Variants in FMN1 observed in about 807,000 individuals in gnomAD.
The protein encoded by FMN1 is formin 1.
In FMN1, 110 loss-of-function variants were observed where a neutral mutation model predicts 132.4. The ratio of observed to expected loss-of-function variants is 0.83; its 90% CI spans 0.71 to 0.97. The LOEUF (loss-of-function observed/expected upper bound fraction) is 0.97. Ranked by LOEUF, FMN1 falls within the 50% of genes least tolerant of loss-of-function variation. The probability of loss-of-function intolerance (pLI) is 0.00; values close to 1 mark genes in which losing one functional copy is unlikely to be tolerated. For synonymous variants in FMN1, 722 were observed against 651.7 expected (o/e 1.11, Z -1.64); for missense variants, 1,792 against 1,705.3 (o/e 1.05, Z -0.90).
intron 17 of FMN1, among the ~76,000 whole-genome samples, chr15:32,816,878 A>C (rs1359769454): frequency 6.6e-6 from 1 of 152,258 alleles, no homozygotes; most frequent in Admixed American, 6.5e-5. Context: ...ACCATTCTAC[A>C]TATTTTTTAC....
intron 4 of FMN1, among the ~76,000 whole-genome samples, chr15:33,117,683 G>A (rs1277324247): frequency 7.6e-6 from 1 of 130,744 alleles, no homozygotes; most frequent in African/African-American, 2.6e-5. Flanking sequence ...TCTGAACTGT[G>A]CTTCACCCAC....
rs1271257018 is a variant in FMN1 at position 33,008,041 on chromosome 15, C to T, written c.2196G>A (p.Glu732=). 1.2e-6 allele frequency: 2 copies of T among 1,601,226 alleles called. No individual in the cohort carries two copies. The highest frequency in any genetic ancestry group is 1.1e-5 in the South Asian group (1 of 88,324). Residue 732 remains glutamate, a synonymous_variant, in exon 7 of 21, where the codon GAG becomes GAA. Coordinates refer to ENST00000616417, the MANE Select transcript of FMN1 (RefSeq NM_001277313.2). The part of the protein sequence containing the change: ...YQAAILHLKR[E]HKEEIENLQA... ...GCAGGTTTTCAATTTCTTCTTTGTG[C>T]TCCCTCTTCAAGTGTAAAATAGCAG... is the stretch of plus-strand genomic sequence containing the variant.
intron 4 of FMN1, among the ~76,000 whole-genome samples, chr15:33,111,174 G>A (rs887055999): frequency 1.1e-4 from 16 of 152,116 alleles, no homozygotes; most frequent in Non-Finnish European, 2.2e-4. Flanking sequence ...AAATCACACT[G>A]ATTTTTAAAA....
At chr15:32,945,260 C>T (rs188072347) in intron 9 of FMN1, among the ~76,000 whole-genome samples, 5 of 152,192 alleles carry the variant, frequency 3.3e-5, no homozygotes, top group African/African-American at 1.2e-4. Flanking sequence ...CCCTGATTTC[C>T]AGAGGTTTTT....
At chr15:32,964,034 C>CACAA in intron 9 of FMN1, 73 bp downstream of exon 9, 1 of 1,053,184 alleles carries the variant, frequency 9.5e-7, no homozygotes, top group Admixed American at 2.0e-5. Flanking sequence ...CACACACACA[C>CACAA]ACACACACAC....
intron 6 of FMN1, among the ~76,000 whole-genome samples, chr15:33,033,873 C>CG (rs902156330): frequency 6.6e-6 from 1 of 152,114 alleles, no homozygotes; most frequent in Non-Finnish European, 1.5e-5. Context: ...CTCTATCACG[C>CG]GGCACACTCC....
chr15:33,192,449 G>C (rs1966112369), intron 2 of FMN1, among the ~76,000 whole-genome samples: 1 of 152,186 alleles, frequency 6.6e-6, no homozygotes, highest in African/African-American at 2.4e-5. Context: ...CTGTGACAAA[G>C]GCTTCATCAA....
chr15:33,013,743 C>A (rs2034874586), intron 6 of FMN1, among the ~76,000 whole-genome samples: 1 of 152,146 alleles, frequency 6.6e-6, no homozygotes, highest in Admixed American at 6.5e-5. Flanking sequence ...TGAGTCCTAA[C>A]CCATGTCATG....
rs954101498 is a variant in FMN1 at position 32,934,589 on chromosome 15, A to AT, written c.3139-8329dup. Among the ~76,000 whole-genome samples the AT allele has an allele frequency of 8.9e-4, 123 of 138,490 alleles. 1 individual carries two copies. Among genetic ancestry groups the AT allele is most frequent in the Middle Eastern group, 3.5e-3 (1 of 284 alleles). 90.9% of individuals were successfully genotyped at this position (138,490 alleles called of 152,430 possible). A position where few individuals can be genotyped will look rare whatever the true frequency, so the allele number is the denominator to read the frequency against. ...ATTTCTCTTTTGTTTCTGAAAGACAATTTTTTTCCTTTTTTTTTTTTTTTT... is the reference window on the plus strand; with the variant it reads ...ATTTCTCTTTTGTTTCTGAAAGACAATTTTTTTTCCTTTTTTTTTTTTTTTT... On this transcript the variant is annotated intron_variant, in intron 9 of 20. Transcript: ENST00000616417.
At position 33,050,934 on chromosome 15, in the gene FMN1, T is replaced by C. The variant is rs188529826; in HGVS notation, c.2161+14023A>G. On this transcript the variant is annotated intron_variant, in intron 6 of 20. Transcript: ENST00000616417. The stretch of plus-strand genomic sequence containing the variant: ...ACTGACATAGAAAGGTTTCAGTATA[T>C]GGTAAAAAGCAGCTCATCTTAGAAC... Among the ~76,000 whole-genome samples the C allele has an allele frequency of 1.3e-3, 198 of 152,340 alleles. 1 individual carries two copies. Among genetic ancestry groups the C allele is most frequent in the African/African-American group, 4.6e-3 (192 of 41,574 alleles).
chr15:33,183,499 A>T (rs1177114505), intron 2 of FMN1, among the ~76,000 whole-genome samples: 1 of 152,192 alleles, frequency 6.6e-6, no homozygotes, highest in East Asian at 1.9e-4. Flanking sequence ...GTTACTCAAC[A>T]TCGAATTTCT....
Position 32,912,578 on chromosome 15 carries a change from TACA to T in FMN1, c.3227-2046_3227-2044del, listed in dbSNP as rs567902701. Among the ~76,000 whole-genome samples, 9 of 152,276 alleles carry T rather than the reference TACA, an allele frequency of 5.9e-5. No homozygotes were observed. In the South Asian group the frequency reaches 1.7e-3, roughly 28 times the overall value. On this transcript the variant is annotated intron_variant, in intron 10 of 20. Transcript: ENST00000616417. ...ATGAAGAAAGTAAAACAGAGAAATG[TACA>T]ACATTAGACAGAAGGCTCAAGGAAG... is the stretch of plus-strand genomic sequence containing the variant.
At chr15:32,833,354 T>C (rs1338948526) in intron 17 of FMN1, among the ~76,000 whole-genome samples, 1 of 152,156 alleles carries the variant, frequency 6.6e-6, no homozygotes, top group African/African-American at 2.4e-5. Context: ...AGCTGTTTTA[T>C]AAGGGACTCA....
intron 6 of FMN1, among the ~76,000 whole-genome samples, chr15:33,059,991 T>C (rs73378507): frequency 0.015 from 2,321 of 152,334 alleles, 56 homozygotes; most frequent in African/African-American, 0.053. Flanking sequence ...TGTGTACATA[T>C]ACTAAGTGGA....
intron 6 of FMN1, among the ~76,000 whole-genome samples, chr15:33,058,797 G>A (rs966553450): frequency 6.6e-6 from 1 of 152,068 alleles, no homozygotes; most frequent in South Asian, 2.1e-4. Context: ...ATACCTTTAC[G>A]GGGTAGATGA....
At chr15:33,018,664 G>A (rs907148684) in intron 6 of FMN1, among the ~76,000 whole-genome samples, 1 of 152,104 alleles carries the variant, frequency 6.6e-6, no homozygotes, top group African/African-American at 2.4e-5. Context: ...GTGTGTTCTT[G>A]GTCTCACTGA....
At chr15:32,900,581 T>A (rs886596034) in intron 13 of FMN1, among the ~76,000 whole-genome samples, 1 of 152,220 alleles carries the variant, frequency 6.6e-6, no homozygotes, top group Admixed American at 6.5e-5. Flanking sequence ...AGAAGAAGTA[T>A]GTTCTTCTTT....
chr15:32,977,542 G>C (rs2032309372), intron 7 of FMN1, among the ~76,000 whole-genome samples: 1 of 152,124 alleles, frequency 6.6e-6, no homozygotes, highest in Non-Finnish European at 1.5e-5. Flanking sequence ...CTTGCTCTTA[G>C]CCAATTTTCA....
chr15:32,966,055 G>A (rs1468767820), intron 8 of FMN1, among the ~76,000 whole-genome samples: 2 of 152,132 alleles, frequency 1.3e-5, no homozygotes, highest in African/African-American at 2.4e-5. Context: ...GGCATGTTAA[G>A]GGCCACTGGT....
Sources: allele counts gnomAD v4.1 joint callset (sites outside exome capture counted in the v4.1 genomes callset), GRCh38; gene constraint gnomAD v4.1.1; transcripts MANE v1.5; gene names NCBI Gene and HGNC (gene_info 2026-07-23, HGNC 2026-07-21).